Variants in DPYD observed in about 807,000 individuals in gnomAD.
DPYD encodes the protein dihydropyrimidine dehydrogenase [NADP(+)].
In DPYD, 109 loss-of-function variants were observed where a neutral mutation model predicts 116.2. The observed-to-expected ratio is 0.94, with a 90% CI of 0.80 to 1.10. The LOEUF is 1.10. Ranked by LOEUF, DPYD falls within the 50% of genes least tolerant of loss-of-function variation. The pLI is 0.00. For missense variants in DPYD, 1,302 were observed against 1,254.5 expected, an observed-to-expected ratio of 1.04 and a Z score of -0.57; for synonymous variants, 440 against 432.0, an observed-to-expected ratio of 1.02 and a Z score of -0.23.
At chr1:97,457,522 C>T (rs899426801) in intron 13 of DPYD, among the ~76,000 whole-genome samples, 8 of 151,998 alleles carry the variant, frequency 5.3e-5, no homozygotes, top group African/African-American at 1.4e-4. Context: ...TCTGCCGATC[C>T]GGATAACCAT....
intron 20 of DPYD, among the ~76,000 whole-genome samples, chr1:97,189,879 A>T (rs527416781): frequency 6.6e-6 from 1 of 152,308 alleles, no homozygotes; most frequent in African/African-American, 2.4e-5. Flanking sequence ...TGAGAGGAAT[A>T]AAGATTATAG....
chr1:97,363,674 C>A (rs1203605855), intron 16 of DPYD, among the ~76,000 whole-genome samples: 1 of 152,050 alleles, frequency 6.6e-6, no homozygotes, highest in African/African-American at 2.4e-5. Flanking sequence ...CAGCTGGAAA[C>A]CATCATTCTG....
At chr1:97,909,347 T>C (rs1287824846) in intron 1 of DPYD, among the ~76,000 whole-genome samples, 1 of 152,030 alleles carries the variant, frequency 6.6e-6, no homozygotes, top group Non-Finnish European at 1.5e-5. Context: ...TACAAGTAAT[T>C]ATCCTGTCTA....
intron 14 of DPYD, 40 bp downstream of exon 14, chr1:97,450,017 CTT>C: frequency 6.2e-7 from 1 of 1,612,056 alleles, no homozygotes. Flanking sequence ...CATTCACCAA[CTT>C]ATGCCAATTC....
chr1:97,686,737 C>T (rs528932231), intron 7 of DPYD, among the ~76,000 whole-genome samples: 134 of 149,942 alleles, frequency 8.9e-4, no homozygotes, highest in South Asian at 8.2e-3. Context: ...GACATAGGCA[C>T]GGGCAAAGAT....
intron 19 of DPYD, among the ~76,000 whole-genome samples, chr1:97,224,944 T>C (rs1337596018): frequency 1.3e-5 from 2 of 152,044 alleles, no homozygotes; most frequent in Non-Finnish European, 2.9e-5. Context: ...ATCTTGGCTA[T>C]TGTGAATAAT....
intron 8 of DPYD, among the ~76,000 whole-genome samples, chr1:97,629,602 C>T (rs142764705): frequency 0.013 from 2,027 of 152,060 alleles, 50 homozygotes; most frequent in African/African-American, 0.047. Flanking sequence ...GACACTCTCA[C>T]TTCTTGCAGT....
chr1:97,323,087 A>T (rs1668396801), intron 16 of DPYD: 1 of 149,878 alleles, frequency 6.7e-6, no homozygotes, highest in Admixed American at 6.7e-5. Context: ...TTCCGATTCA[A>T]TTTTTTTACT....
intron 7 of DPYD, 73 bp downstream of exon 7, chr1:97,691,644 G>A: frequency 8.0e-7 from 1 of 1,245,294 alleles, no homozygotes; most frequent in Non-Finnish European, 1.2e-6. Flanking sequence ...CATGACATTT[G>A]CTGTTAATCT....
chr1:97,910,206 C>T (rs1306759418), intron 1 of DPYD, among the ~76,000 whole-genome samples: 1 of 151,908 alleles, frequency 6.6e-6, no homozygotes, highest in Non-Finnish European at 1.5e-5. Context: ...ACTATTGTTC[C>T]TCCATTAGAA....
At position 97,854,294 on chromosome 1, in the gene DPYD, G is replaced by A. The variant is rs535429021; in HGVS notation, c.151-26098C>T. Among the ~76,000 whole-genome samples the A allele has an allele frequency of 1.6e-3, 238 of 152,292 alleles. 2 individuals carry two copies. Among genetic ancestry groups the A allele is most frequent in the Middle Eastern group, 3.4e-3 (1 of 294 alleles). ...ATTTGCAGATTTTTTTACAGATGTT[G>A]AGACTTTAATAAGCAGCATCTTTAA... On this transcript the variant is annotated intron_variant, in intron 2 of 22. Transcript: ENST00000370192.
chr1:97,373,577 C>A lies in DPYD; in HGVS notation c.2042G>T (p.Gly681Val). The A allele has an allele frequency of 6.2e-7, 1 of 1,613,792 alleles. No individual in the cohort carries two copies. Among genetic ancestry groups the A allele is most frequent in the Non-Finnish European group, 8.5e-7 (1 of 1,179,814 alleles). Reference protein sequence around the residue: ...CPHGMGERGMGLACGQDPELV... With the variant: ...CPHGMGERGMVLACGQDPELV... ...GGTCCTTACCTGCCCACAGGCCAGG[C>A]CCATTCCTCTTTCTCCCATGCCATG... is the stretch of plus-strand genomic sequence containing the variant. The change falls in exon 16 of 23, where the codon GGC becomes GTC. Residue 681 changes from glycine (G) to valine (V), a missense_variant. Transcript: ENST00000370192.
chr1:97,437,989 G>C (rs1675560177), intron 14 of DPYD, among the ~76,000 whole-genome samples: 1 of 151,886 alleles, frequency 6.6e-6, no homozygotes, highest in East Asian at 1.9e-4. Context: ...ACTATATTTT[G>C]TCCACTGAAT....
intron 10 of DPYD, among the ~76,000 whole-genome samples, chr1:97,578,739 T>A (rs1307638339): frequency 6.6e-6 from 1 of 152,154 alleles, no homozygotes; most frequent in East Asian, 1.9e-4. Context: ...CTAGACATAG[T>A]TCCCTTTGTG....
At chr1:97,878,171 T>C (rs965871600) in intron 2 of DPYD, among the ~76,000 whole-genome samples, 26 of 151,968 alleles carry the variant, frequency 1.7e-4, no homozygotes, top group African/African-American at 5.3e-4. Flanking sequence ...CTGAGCCACA[T>C]TGGAGCCTGA....
intron 18 of DPYD, among the ~76,000 whole-genome samples, chr1:97,241,282 GC>G (rs1388206091): frequency 2.0e-5 from 3 of 151,882 alleles, no homozygotes; most frequent in African/African-American, 7.2e-5. Flanking sequence ...GAAAGTGTCA[GC>G]TACTGTTACT....
chr1:97,678,424 T>C (rs1056413897), intron 8 of DPYD, among the ~76,000 whole-genome samples: 7 of 152,088 alleles, frequency 4.6e-5, no homozygotes, highest in African/African-American at 1.2e-4. Context: ...TAATTGCCCA[T>C]AGTACAAATC....
In DPYD at chr1:97,491,729, G is replaced by C. The variant is rs545001548; in HGVS notation, c.1740+23997C>G. 2.0e-5 allele frequency among the ~76,000 whole-genome samples: 3 copies of C among 152,034 alleles called. No individual in the cohort carries two copies. In the South Asian group the frequency reaches 6.2e-4, roughly 32 times the overall value. On this transcript the variant is annotated intron_variant, in intron 13 of 22. Coordinates refer to ENST00000370192, the MANE Select transcript of DPYD (RefSeq NM_000110.4). ...AATATTTAAAACTTCTATCTCTAAA[G>C]GCTGTTAAAGCTATTTTAATCATAT...
At chr1:97,886,590 G>A (rs773318915) in intron 1 of DPYD, among the ~76,000 whole-genome samples, 1 of 152,078 alleles carries the variant, frequency 6.6e-6, no homozygotes, top group Non-Finnish European at 1.5e-5. Flanking sequence ...TCTGAGAGAA[G>A]TGGGCCATTG....
Sources: gnomAD v4.1 joint callset for allele counts (sites outside exome capture counted in the v4.1 genomes callset) on GRCh38, gnomAD v4.1.1 for gene constraint, MANE v1.5 for transcripts, NCBI Gene and HGNC (gene_info 2026-07-23, HGNC 2026-07-21) for gene names.